Variants in LHFPL7 observed in about 807,000 individuals in gnomAD.
LHFPL7 encodes the protein LHFPL tetraspan subfamily member 7.
the LHFPL7 span, chr22:24,939,459 C>G: frequency 1.4e-6 from 1 of 702,966 alleles, no homozygotes; most frequent in African/African-American, 1.7e-5. Flanking sequence ...GGTCTGGAAC[C>G]AGGCAGGGGA....
At chr22:24,937,238 C>A in the LHFPL7 span, among the ~76,000 whole-genome samples, 1 of 152,190 alleles carries the variant, frequency 6.6e-6, no homozygotes, top group African/African-American at 2.4e-5. Flanking sequence ...CTCATGGAGG[C>A]AGTGATATCT....
At chr22:24,938,162 C>T in the LHFPL7 span, 1 of 1,614,138 alleles carries the variant, frequency 6.2e-7, no homozygotes, top group Non-Finnish European at 8.5e-7. Flanking sequence ...CCACTGCCTG[C>T]ACCCCTGGCA....
chr22:24,942,292 C>A, the LHFPL7 span, among the ~76,000 whole-genome samples: 1 of 152,224 alleles, frequency 6.6e-6, no homozygotes, highest in Non-Finnish European at 1.5e-5. Flanking sequence ...CCGCGCCCGG[C>A]CTCAAATGTA....
chr22:24,940,225 C>T, the LHFPL7 span, among the ~76,000 whole-genome samples: 16 of 148,854 alleles, frequency 1.1e-4, no homozygotes, highest in African/African-American at 3.4e-4. Context: ...CGCGCACGGC[C>T]TATTTATCCA....
At chr22:24,942,668 C>T in the LHFPL7 span, among the ~76,000 whole-genome samples, 1 of 152,220 alleles carries the variant, frequency 6.6e-6, no homozygotes, top group Non-Finnish European at 1.5e-5. Context: ...GCTCTAGGCC[C>T]ATTGCTCTAG....
chr22:24,940,668 T>TCCTTCCTTCCTTCCTTCCTC, the LHFPL7 span, among the ~76,000 whole-genome samples: 1 of 121,516 alleles, frequency 8.2e-6, no homozygotes, highest in Non-Finnish European at 1.7e-5. Context: ...CTTCCTTCCT[T>TCCTTCCTTCCTTCCTTCCTC]CCTTCCCTCC....
the LHFPL7 span, chr22:24,935,298 T>C: frequency 6.3e-7 from 1 of 1,591,796 alleles, no homozygotes; most frequent in Admixed American, 1.7e-5. Context: ...CATAAAACTC[T>C]GGAGTGTGCC....
chr22:24,935,784 C>A, the LHFPL7 span, among the ~76,000 whole-genome samples: 1 of 151,996 alleles, frequency 6.6e-6, no homozygotes, highest in Non-Finnish European at 1.5e-5. Context: ...AACTATCTGT[C>A]CCTTCACTAA....
the LHFPL7 span, chr22:24,938,070 CTCATTCAT>C: frequency 3.4e-5 from 51 of 1,498,550 alleles, no homozygotes; most frequent in South Asian, 6.5e-5. Flanking sequence ...TGCTCACAGA[CTCATTCAT>C]TCATTCATTC....
chr22:24,936,915 C>T, the LHFPL7 span, among the ~76,000 whole-genome samples: 8 of 152,058 alleles, frequency 5.3e-5, no homozygotes, highest in Admixed American at 4.6e-4. Flanking sequence ...AACCCCCGCC[C>T]CCCCCGCCGC....
the LHFPL7 span, among the ~76,000 whole-genome samples, chr22:24,946,400 C>T: frequency 7.3e-5 from 11 of 150,302 alleles, no homozygotes; most frequent in Non-Finnish European, 7.4e-5. Context: ...CACACATGAG[C>T]GCACATGCAC....
At chr22:24,944,568 A>G in the LHFPL7 span, among the ~76,000 whole-genome samples, 3 of 152,088 alleles carry the variant, frequency 2.0e-5, no homozygotes, top group African/African-American at 7.2e-5. Context: ...TGCGCCTTGT[A>G]GCAGAGATAA....
At chr22:24,943,820 A>G in the LHFPL7 span, among the ~76,000 whole-genome samples, 1 of 152,228 alleles carries the variant, frequency 6.6e-6, no homozygotes, top group African/African-American at 2.4e-5. Flanking sequence ...GAGAAGCCAT[A>G]CAAAGGCAGA....
chr22:24,946,423 C>CCACACACACACA, the LHFPL7 span: 7 of 135,626 alleles, frequency 5.2e-5, no homozygotes, highest in African/African-American at 2.0e-4. Context: ...ACCCACCCAC[C>CCACACACACACA]CACACACACA....
the LHFPL7 span, among the ~76,000 whole-genome samples, chr22:24,944,718 CTATTTATTTATT>C: frequency 1.5e-4 from 23 of 149,094 alleles, no homozygotes; most frequent in South Asian, 8.7e-4. Context: ...ACATGCCTGG[CTATTTATTTATT>C]TATTTATTTA....
chr22:24,935,162 G>A, the LHFPL7 span: 64 of 786,446 alleles, frequency 8.1e-5, no homozygotes, highest in East Asian at 1.5e-3. Flanking sequence ...ACCTTATGAG[G>A]TAGGTATGAT....
At chr22:24,943,772 C>G in the LHFPL7 span, among the ~76,000 whole-genome samples, 751 of 152,264 alleles carry the variant, frequency 4.9e-3, 6 homozygotes, top group African/African-American at 0.016. Flanking sequence ...ATGGTCAGCT[C>G]TCATGCCTGC....
the LHFPL7 span, chr22:24,935,386 T>A: frequency 1.9e-6 from 3 of 1,613,734 alleles, no homozygotes; most frequent in Non-Finnish European, 2.5e-6. Flanking sequence ...CTGGAGAAGA[T>A]GATGGTCCTC....
the LHFPL7 span, among the ~76,000 whole-genome samples, chr22:24,936,198 C>T: frequency 2.0e-5 from 3 of 152,162 alleles, no homozygotes; most frequent in Admixed American, 6.6e-5. Flanking sequence ...CTCTCCATCC[C>T]TCTGTCCACC....
Sources: allele counts gnomAD v4.1 joint callset (sites outside exome capture counted in the v4.1 genomes callset), GRCh38; gene constraint gnomAD v4.1.1; transcripts MANE v1.5; gene names NCBI Gene and HGNC (gene_info 2026-07-23, HGNC 2026-07-21).